Variants in NT5C1A observed in about 807,000 individuals in gnomAD.
NT5C1A encodes the protein 5'-nucleotidase, cytosolic IA.
A neutral mutation model predicts 31.0 loss-of-function variants in NT5C1A; 18 were observed. That is an observed-to-expected ratio of 0.58 (90% confidence interval 0.40 to 0.86). The LOEUF (loss-of-function observed/expected upper bound fraction) is 0.86. Ranked by LOEUF, NT5C1A falls within the 40% of genes least tolerant of loss-of-function variation. NT5C1A has a pLI of 0.00. For synonymous variants in NT5C1A, 185 were observed against 203.6 expected (o/e 0.91, Z 0.78); for missense variants, 470 against 505.4 (o/e 0.93, Z 0.67).
chr1:39,665,272 G>A (rs1646515120), intron 3 of NT5C1A, among the ~76,000 whole-genome samples: 1 of 152,222 alleles, frequency 6.6e-6, no homozygotes, highest in African/African-American at 2.4e-5. Flanking sequence ...CAGAAATTTT[G>A]TGAGCCATTT....
At chr1:39,671,859 G>T in intron 1 of NT5C1A, 45 bp downstream of exon 1, 1 of 1,609,446 alleles carries the variant, frequency 6.2e-7, no homozygotes. Context: ...CCTCCTCCGG[G>T]GTAACCCTTC....
In NT5C1A at chr1:39,653,345, T is replaced by C. The variant is rs912707437; in HGVS notation, c.*5776A>G. On this transcript the variant is annotated 3_prime_UTR_variant, in exon 6 of 6. Transcript: ENST00000235628. ...GTATGTGGGTCCCAGGACACTCAGT[T>C]AACAGAGATAACCATCTGTACACAT... Among the ~76,000 whole-genome samples, 5 of 151,982 alleles carry C rather than the reference T, an allele frequency of 3.3e-5. No individual in the cohort carries two copies. Among genetic ancestry groups the C allele is most frequent in the Admixed American group, 3.3e-4 (5 of 15,256 alleles).
intron 3 of NT5C1A, 35 bp from the exon 4 acceptor site, chr1:39,663,469 G>GGTCA: frequency 6.2e-7 from 1 of 1,612,008 alleles, no homozygotes. Flanking sequence ...GTGAGGCCAG[G>GGTCA]GTCAACCCTG....
At position 39,651,311 on chromosome 1, in the gene NT5C1A, T is replaced by C. The variant is rs1197896092; in HGVS notation, c.*7810A>G. ...GTAAAATTAAGGTATAGGACATGCA[T>C]GAGAAGTGACAGGGACCCACACTGG... On this transcript the variant is annotated 3_prime_UTR_variant, in exon 6 of 6. Coordinates refer to ENST00000235628, the MANE Select transcript of NT5C1A (RefSeq NM_032526.3). Among the ~76,000 whole-genome samples the C allele has an allele frequency of 1.3e-5, 2 of 152,188 alleles. No individual in the cohort carries two copies. The highest frequency in any genetic ancestry group is 2.9e-5 in the Non-Finnish European group (2 of 68,028).
rs774740392 is a variant in NT5C1A, at chr1:39,657,688, G to C, written c.*1433C>G. ...GAAAGTGGTGAAGAAGGGGCCGCAG[G>C]GGCTCTTGCAAATGTGGAGGATCCG... On this transcript the variant is annotated 3_prime_UTR_variant, in exon 6 of 6. Coordinates refer to ENST00000235628, the MANE Select transcript of NT5C1A (RefSeq NM_032526.3). Among the ~76,000 whole-genome samples, 13 of 152,218 alleles carry C rather than the reference G, an allele frequency of 8.5e-5. No homozygotes were observed. Among genetic ancestry groups the C allele is most frequent in the Admixed American group, 3.9e-4 (6 of 15,286 alleles).
At position 39,662,027 on chromosome 1, in the gene NT5C1A, A is replaced by AAGGATGCCTCTCAGGGGTTC. The variant is rs562230426; in HGVS notation, c.557-784_557-765dup. 1.7e-3 allele frequency among the ~76,000 whole-genome samples: 263 copies of AAGGATGCCTCTCAGGGGTTC among 152,276 alleles called. 2 individuals are homozygous for AAGGATGCCTCTCAGGGGTTC. Among genetic ancestry groups the AAGGATGCCTCTCAGGGGTTC allele is most frequent in the African/African-American group, 6.0e-3 (248 of 41,546 alleles). On this transcript the variant is annotated intron_variant, in intron 4 of 5. Coordinates refer to ENST00000235628, the MANE Select transcript of NT5C1A (RefSeq NM_032526.3). ...CAACCCTGGGCTCCTCCAGGGGTCC[A>AAGGATGCCTCTCAGGGGTTC]AGGATGCCTCTCAGGGGTTCAGGCT... is the stretch of plus-strand genomic sequence containing the variant.
At chr1:39,671,569 G>T (rs1535030) in intron 1 of NT5C1A, among the ~76,000 whole-genome samples, 4,649 of 152,318 alleles carry the variant, frequency 0.031, 244 homozygotes, top group African/African-American at 0.1. Flanking sequence ...GGGCGCTTCT[G>T]GAAGCGCTGC....
In NT5C1A at chr1:39,651,900, G is replaced by A. The variant is rs1054052197; in HGVS notation, c.*7221C>T. On this transcript the variant is annotated 3_prime_UTR_variant, in exon 6 of 6. Transcript: ENST00000235628. ...CAAAAAATTAGCTGGGCATGGTGGC[G>A]GGCACCTGTAATCCCAGCTACTCAG... is the stretch of plus-strand genomic sequence containing the variant. Among the ~76,000 whole-genome samples the A allele has an allele frequency of 2.6e-5, 4 of 151,176 alleles. No individual in the cohort carries two copies. The highest frequency in any genetic ancestry group is 1.3e-4 in the Admixed American group (2 of 15,166).
chr1:39,664,518 C>CCTCTCCTCTCCTCTCCCCTCCTCTCCCCT (rs1288845231), intron 3 of NT5C1A, among the ~76,000 whole-genome samples: 1 of 96,044 alleles, frequency 1.0e-5, no homozygotes, highest in African/African-American at 4.7e-5. Flanking sequence ...CCTCTCCTTT[C>CCTCTCCTCTCCTCTCCCCTCCTCTCCCCT]CATCTCACTC....
At position 39,658,044 on chromosome 1, in the gene NT5C1A, C is replaced by G. The variant is rs983957472; in HGVS notation, c.*1077G>C. ...CAACAGTAGACACCCATGCTCTGTC[C>G]CGTTCCCCACCAGCAGAGCTGCTCA... On this transcript the variant is annotated 3_prime_UTR_variant, in exon 6 of 6. Coordinates refer to ENST00000235628, the MANE Select transcript of NT5C1A (RefSeq NM_032526.3). 2.6e-5 allele frequency among the ~76,000 whole-genome samples: 4 copies of G among 152,188 alleles called. No homozygotes were observed. The highest frequency in any genetic ancestry group is 9.7e-5 in the African/African-American group (4 of 41,448).
intron 1 of NT5C1A, among the ~76,000 whole-genome samples, chr1:39,666,894 G>A (rs186520830): frequency 1.3e-5 from 2 of 152,250 alleles, no homozygotes; most frequent in East Asian, 3.9e-4. Flanking sequence ...CTCATCAATC[G>A]ATTACCGAAA....
chr1:39,661,021 G>A, intron 5 of NT5C1A, 58 bp downstream of exon 5: 1 of 1,023,468 alleles, frequency 9.8e-7, no homozygotes, highest in Non-Finnish European at 1.5e-6. Flanking sequence ...TGCAGGCCAA[G>A]GGCAGGTCTG....
chr1:39,670,399 T>C (rs922480325), intron 1 of NT5C1A, among the ~76,000 whole-genome samples: 1 of 152,232 alleles, frequency 6.6e-6, no homozygotes, highest in African/African-American at 2.4e-5. Context: ...TATTCTGAGC[T>C]TTGCTTTAAA....
intron 5 of NT5C1A, among the ~76,000 whole-genome samples, chr1:39,659,782 T>C (rs1344353498): frequency 6.6e-6 from 1 of 152,198 alleles, no homozygotes; most frequent in African/African-American, 2.4e-5. Flanking sequence ...TGAAGGTCTG[T>C]AACTGTGGCC....
chr1:39,670,013 T>G (rs1420323026), intron 1 of NT5C1A, among the ~76,000 whole-genome samples: 3 of 152,382 alleles, frequency 2.0e-5, no homozygotes, highest in South Asian at 2.1e-4. Flanking sequence ...GAATTCAATA[T>G]GTAAGCCAGA....
At position 39,663,295 on chromosome 1, in the gene NT5C1A, T is replaced by C; in HGVS notation, c.556+17A>G. On this transcript the variant is annotated intron_variant, in intron 4 of 5. Coordinates refer to ENST00000235628, the MANE Select transcript of NT5C1A (RefSeq NM_032526.3). ...TTTGCTGCACTCCCCATATTCTTCC[T>C]CTTCACTTAGACTTACCCTCATCAA... 2 of 1,614,130 alleles carry C rather than the reference T, an allele frequency of 1.2e-6. No homozygotes were observed. Among genetic ancestry groups the C allele is most frequent in the African/African-American group, 1.3e-5 (1 of 75,054 alleles).
Position 39,659,403 on chromosome 1 carries a change from A to G in NT5C1A, c.825T>C (p.Ile275=). 6.2e-7 allele frequency: 1 copy of G among 1,613,450 alleles called. No individual in the cohort carries two copies. Among genetic ancestry groups the G allele is most frequent in the Non-Finnish European group, 8.5e-7 (1 of 1,179,812 alleles). The change falls in exon 6 of 6, where the codon ATT becomes ATC. Residue 275 remains isoleucine, a synonymous_variant. Coordinates refer to ENST00000235628, the MANE Select transcript of NT5C1A (RefSeq NM_032526.3). ...YSKGLRLECP[I]RTYLVTARSA... Reference sequence around the variant, plus strand: ...TGCGTGCTGTCACCAAGTAGGTACGAATTGGGCACTCCAGCCGCAGGCCTT... The same window carrying G: ...TGCGTGCTGTCACCAAGTAGGTACGGATTGGGCACTCCAGCCGCAGGCCTT...
chr1:39,671,795 C>T lies in NT5C1A; in HGVS notation c.135+109G>A. 2.3e-6 allele frequency: 3 copies of T among 1,321,132 alleles called. No individual in the cohort carries two copies. In the South Asian group the frequency reaches 3.8e-5, roughly 17 times the overall value. 81.8% of individuals were successfully genotyped at this position (1,321,132 alleles called of 1,614,324 possible). On this transcript the variant is annotated intron_variant, in intron 1 of 5. Coordinates refer to ENST00000235628, the MANE Select transcript of NT5C1A (RefSeq NM_032526.3). ...CAGGGCGCATTCTGGGGCTGAGGAG[C>T]TGCGTCCCCTCCCAGAGGGGCGCCA...
intron 3 of NT5C1A, 112 bp downstream of exon 3, chr1:39,665,409 G>T (rs1557746435): frequency 9.9e-7 from 1 of 1,012,540 alleles, no homozygotes; most frequent in Non-Finnish European, 1.4e-6. Flanking sequence ...GCACACACTG[G>T]ACTTGGGGTT....
Sources: allele counts gnomAD v4.1 joint callset (sites outside exome capture counted in the v4.1 genomes callset), GRCh38; gene constraint gnomAD v4.1.1; transcripts MANE v1.5; gene names NCBI Gene and HGNC (gene_info 2026-07-23, HGNC 2026-07-21).